The following ADAMTSL1 variants were observed in gnomAD, a reference collection of about 807,000 sequenced individuals.
ADAMTSL1 encodes the protein ADAMTS-like protein 1.
In ADAMTSL1, 126 loss-of-function variants were observed where a neutral mutation model predicts 201.8. The observed-to-expected ratio is 0.62, with a 90% CI of 0.54 to 0.72. The LOEUF (loss-of-function observed/expected upper bound fraction) is 0.72, where lower values mean the gene tolerates loss of function less well. Among genes scored for constraint, ADAMTSL1 ranks in the 30% least tolerant of loss-of-function variants. The pLI is 0.00. For missense variants in ADAMTSL1, 2,679 were observed against 2,277.8 expected (o/e 1.18, Z -3.59); for synonymous variants, 1,121 against 903.4 (o/e 1.24, Z -4.32).
chr9:17,920,981 A>G (rs1826276994), intron 1 of ADAMTSL1, among the ~76,000 whole-genome samples: 1 of 152,172 alleles, frequency 6.6e-6, no homozygotes, highest in Non-Finnish European at 1.5e-5. Flanking sequence ...TCACCATGCT[A>G]GGTTCTTTGT....
chr9:18,139,301 G>A (rs1172453443), intron 1 of ADAMTSL1, among the ~76,000 whole-genome samples: 4 of 152,158 alleles, frequency 2.6e-5, no homozygotes, highest in Non-Finnish European at 5.9e-5. Flanking sequence ...GAGGGCACAT[G>A]GCAGCATATT....
chr9:18,563,089 A>T (rs1202547829), intron 3 of ADAMTSL1, among the ~76,000 whole-genome samples: 2 of 152,130 alleles, frequency 1.3e-5, no homozygotes, highest in African/African-American at 4.8e-5. Context: ...TTTGGAGAAG[A>T]GTCATTCTGG....
chr9:18,228,235 T>C (rs1314077982), intron 2 of ADAMTSL1, among the ~76,000 whole-genome samples: 4 of 152,156 alleles, frequency 2.6e-5, no homozygotes, highest in Non-Finnish European at 5.9e-5. Flanking sequence ...TAAGGCTTGA[T>C]GATAGTTCCT....
intron 1 of ADAMTSL1, among the ~76,000 whole-genome samples, chr9:17,985,060 G>A (rs1415027088): frequency 2.0e-5 from 3 of 152,066 alleles, no homozygotes; most frequent in Non-Finnish European, 4.4e-5. Flanking sequence ...TTTTAAAATA[G>A]GAAGATGGAA....
chr9:18,693,092 A>G (rs778558748), intron 13 of ADAMTSL1, among the ~76,000 whole-genome samples: 2 of 152,220 alleles, frequency 1.3e-5, no homozygotes, highest in Non-Finnish European at 2.9e-5. Context: ...CAAAAAAGAC[A>G]AAAGCTCTCC....
At chr9:18,522,118 A>G (rs1215048330) in intron 2 of ADAMTSL1, among the ~76,000 whole-genome samples, 1 of 152,038 alleles carries the variant, frequency 6.6e-6, no homozygotes, top group Non-Finnish European at 1.5e-5. Context: ...TCTTACAATA[A>G]TGTGTCTGTG....
At chr9:18,665,136 T>C (rs1014124816) in intron 9 of ADAMTSL1, among the ~76,000 whole-genome samples, 1 of 152,040 alleles carries the variant, frequency 6.6e-6, no homozygotes, top group Non-Finnish European at 1.5e-5. Flanking sequence ...AAAACAGTTT[T>C]CATTACAAAA....
At chr9:17,982,507 G>T (rs1818747284) in intron 1 of ADAMTSL1, among the ~76,000 whole-genome samples, 1 of 152,168 alleles carries the variant, frequency 6.6e-6, no homozygotes, top group African/African-American at 2.4e-5. Flanking sequence ...ATCTACTCAG[G>T]AGGCTGAGGC....
chr9:18,580,466 T>G (rs914251620), intron 4 of ADAMTSL1, among the ~76,000 whole-genome samples: 7 of 152,184 alleles, frequency 4.6e-5, no homozygotes, highest in Non-Finnish European at 8.8e-5. Flanking sequence ...CTTCTGTACT[T>G]TATAATCTAA....
chr9:18,604,898 A>G (rs921764697), intron 4 of ADAMTSL1, among the ~76,000 whole-genome samples: 7 of 151,990 alleles, frequency 4.6e-5, no homozygotes, highest in Admixed American at 2.6e-4. Context: ...ACTCATGCCT[A>G]CTCTTAGTTT....
intron 7 of ADAMTSL1, among the ~76,000 whole-genome samples, chr9:18,654,096 G>T (rs949710650): frequency 3.3e-5 from 5 of 152,244 alleles, no homozygotes; most frequent in Admixed American, 6.5e-5. Flanking sequence ...GGGCATGGTG[G>T]TGGACACCTA....
At chr9:18,833,942 G>A (rs1563840791) in intron 23 of ADAMTSL1, among the ~76,000 whole-genome samples, 2 of 152,128 alleles carry the variant, frequency 1.3e-5, no homozygotes, top group South Asian at 2.1e-4. Flanking sequence ...TTATTAAATA[G>A]GGAATCCTTC....
chr9:18,054,889 T>C (rs563635734), intron 1 of ADAMTSL1, among the ~76,000 whole-genome samples: 1 of 152,332 alleles, frequency 6.6e-6, no homozygotes, highest in African/African-American at 2.4e-5. Context: ...GCCCCCGCAA[T>C]CTTTTTGTAG....
At chr9:18,581,675 A>G (rs975130178) in intron 4 of ADAMTSL1, among the ~76,000 whole-genome samples, 1 of 152,142 alleles carries the variant, frequency 6.6e-6, no homozygotes, top group Admixed American at 6.5e-5. Flanking sequence ...CCAAAATACA[A>G]TGGTGGGACA....
chr9:18,510,309 G>C (rs746638654), intron 2 of ADAMTSL1, among the ~76,000 whole-genome samples: 1 of 152,138 alleles, frequency 6.6e-6, no homozygotes, highest in Non-Finnish European at 1.5e-5. Flanking sequence ...AGGAGACTTG[G>C]TTTACCCTCT....
chr9:17,994,967 C>G (rs972460182), intron 1 of ADAMTSL1, among the ~76,000 whole-genome samples: 2 of 152,130 alleles, frequency 1.3e-5, no homozygotes, highest in East Asian at 1.9e-4. Context: ...AAGAGATTAA[C>G]AATTTTTAAA....
intron 22 of ADAMTSL1, among the ~76,000 whole-genome samples, chr9:18,828,642 A>T (rs895203417): frequency 4.6e-5 from 2 of 43,674 alleles, no homozygotes; most frequent in African/African-American, 2.2e-4. Context: ...TATGAAAAGG[A>T]TTCTTTTGAA....
chr9:18,285,981 T>A (rs1006293074), intron 2 of ADAMTSL1, among the ~76,000 whole-genome samples: 1 of 152,236 alleles, frequency 6.6e-6, no homozygotes, highest in African/African-American at 2.4e-5. Flanking sequence ...AGAAACTCGA[T>A]AGCAGTCATT....
chr9:18,763,659 G>A (rs1820197452), intron 16 of ADAMTSL1, among the ~76,000 whole-genome samples: 1 of 151,960 alleles, frequency 6.6e-6, no homozygotes, highest in South Asian at 2.1e-4. Context: ...TTTAATTTTT[G>A]TATATGGCAA....
Sources: allele counts gnomAD v4.1 joint callset (sites outside exome capture counted in the v4.1 genomes callset), GRCh38; gene constraint gnomAD v4.1.1; transcripts MANE v1.5; gene names NCBI Gene and HGNC (gene_info 2026-07-23, HGNC 2026-07-21).